SNPH: variants seen among roughly 807,000 people sequenced by gnomAD.
SNPH encodes the protein syntaphilin.
In SNPH, 10 loss-of-function variants were observed where a neutral mutation model predicts 36.8. The observed-to-expected ratio is 0.27, with a 90% CI of 0.17 to 0.46. The LOEUF (loss-of-function observed/expected upper bound fraction) is 0.46, where lower values mean the gene tolerates loss of function less well. Among genes scored for constraint, SNPH ranks in the 20% least tolerant of loss-of-function variants. The pLI is 1.00. For synonymous variants in SNPH, 281 were observed against 312.2 expected (o/e 0.90, Z 1.05); for missense variants, 622 against 744.0 (o/e 0.84, Z 1.91).
intron 2 of SNPH, among the ~76,000 whole-genome samples, chr20:1,292,596 C>T (rs2088376347): frequency 6.6e-6 from 1 of 152,196 alleles, no homozygotes; most frequent in African/African-American, 2.4e-5. Context: ...TTATCAGGAA[C>T]TTTCTAAAAT....
rs74793599 is a variant in SNPH, at chr20:1,302,560, C to T, written c.440+1849C>T. 9.1e-3 allele frequency among the ~76,000 whole-genome samples: 1,253 copies of T among 138,004 alleles called. 17 individuals carry two copies. Among genetic ancestry groups the T allele is most frequent in the African/African-American group, 0.033 (1,194 of 35,818 alleles). The allele number at this position is 138,004 out of a possible 152,430, so 90.5% of individuals were successfully genotyped here. On this transcript the variant is annotated intron_variant, in intron 6 of 6. Coordinates refer to ENST00000381867, the MANE Select transcript of SNPH (RefSeq NM_001318234.2). ...AAACCCCATTCCCATTAGCAATCAC[C>T]GCCAATTTCTAATTTCATCAATATT... is the stretch of plus-strand genomic sequence containing the variant.
intron 2 of SNPH, among the ~76,000 whole-genome samples, chr20:1,289,751 C>T (rs1600255625): frequency 6.6e-6 from 1 of 151,704 alleles, no homozygotes; most frequent in Non-Finnish European, 1.5e-5. Flanking sequence ...ATCGCATGAG[C>T]TCAGGAGTTT....
Position 1,305,269 on chromosome 20 carries a change from A to G in SNPH, c.832A>G (p.Ser278Gly). The G allele has an allele frequency of 6.2e-7, 1 of 1,610,954 alleles. No individual in the cohort carries two copies. The highest frequency in any genetic ancestry group is 8.5e-7 in the Non-Finnish European group (1 of 1,179,816). The stretch of plus-strand genomic sequence containing the variant: ...TGACCGCCAGCCGGGTGATCCCTCC[A>G]GCGGCTCTGCTGAGGATGGGGCAGA... ...CGDRQPGDPS[S>G]GSAEDGADSG... The change falls in exon 7 of 7, where the codon AGC becomes GGC. Residue 278 changes from serine to glycine, a missense_variant. Coordinates refer to ENST00000381867, the MANE Select transcript of SNPH (RefSeq NM_001318234.2).
rs753420830 is a variant in SNPH at position 1,276,408 on chromosome 20, C to T, written c.-493+9648C>T. 5.9e-5 allele frequency among the ~76,000 whole-genome samples: 9 copies of T among 152,178 alleles called. No individual in the cohort carries two copies. The highest frequency in any genetic ancestry group is 1.2e-4 in the Non-Finnish European group (8 of 68,038). ...TCTCTGAGTGGTTGGGAACAGAGAGCGCAGGTTGGAGTTGGATACACTTGG... is the reference window on the plus strand; with the variant it reads ...TCTCTGAGTGGTTGGGAACAGAGAGTGCAGGTTGGAGTTGGATACACTTGG... On this transcript the variant is annotated intron_variant, in intron 2 of 6. Coordinates refer to ENST00000381867, the MANE Select transcript of SNPH (RefSeq NM_001318234.2). The surrounding 1 kb of genome is among the most constrained non-coding windows in gnomAD (Gnocchi z 4.6).
At chr20:1,298,804 TTGTGTGTGTGTGTGTGTGTG>T (rs3038999) in intron 5 of SNPH, among the ~76,000 whole-genome samples, 1 of 141,154 alleles carries the variant, frequency 7.1e-6, no homozygotes, top group Non-Finnish European at 1.5e-5. Flanking sequence ...TTTTTCTAAT[TTGTGTGTGTGTGTGTGTGTG>T]TGTGTGTGTG....
intron 2 of SNPH, among the ~76,000 whole-genome samples, chr20:1,272,591 A>T (rs970944917): frequency 1.3e-5 from 2 of 152,244 alleles, no homozygotes; most frequent in Non-Finnish European, 2.9e-5. Context: ...TTAAATGCAC[A>T]TATTAAAATG....
In SNPH at chr20:1,296,338, GCCCAT is replaced by G; in HGVS notation, c.104_108del (p.Ile35ThrfsTer17). 6.3e-7 allele frequency: 1 copy of G among 1,577,468 alleles called. No individual in the cohort carries two copies. Among genetic ancestry groups the G allele is most frequent in the Non-Finnish European group, 8.6e-7 (1 of 1,158,984 alleles). On this transcript the variant is annotated frameshift_variant, in exon 4 of 7. Transcript: ENST00000381867. LOFTEE classifies it high-confidence loss of function. The stretch of plus-strand genomic sequence containing the variant: ...CTCTCTCCTCAGCCCCCGGGATACC[GCCCAT>G]CCCACCCCTTACTCGGACCCACAGC...
intron 2 of SNPH, among the ~76,000 whole-genome samples, chr20:1,282,601 G>A (rs2088238465): frequency 6.6e-6 from 1 of 152,104 alleles, no homozygotes; most frequent in Admixed American, 6.5e-5. Context: ...CTTTTAAATG[G>A]GTATGTACTA....
rs1313213760 is a variant in SNPH at position 1,305,366 on chromosome 20, C to T, written c.929C>T (p.Ser310Leu). The T allele has an allele frequency of 1.2e-6, 2 of 1,612,444 alleles. No individual in the cohort carries two copies. Among genetic ancestry groups the T allele is most frequent in the Non-Finnish European group, 1.7e-6 (2 of 1,179,894 alleles). The change falls in exon 7 of 7, where the codon TCG becomes TTG. Residue 310 changes from serine (S) to leucine (L), a missense_variant. Physicochemically the swap from Ser to Leu is moderately radical, Grantham distance 145. This residue lies in a region of SNPH where 379 missense variants were observed against 427.9 expected (regional missense o/e 0.89). Coordinates refer to ENST00000381867, the MANE Select transcript of SNPH (RefSeq NM_001318234.2). ...CTGGAAGCCAGCAGCCTGCTGTCGT[C>T]GGGGGTGGACTGTGGCACCGAGGAG... ...DALEASSLLSSGVDCGTEETS... is the reference protein window; with the variant it reads ...DALEASSLLSLGVDCGTEETS...
At chr20:1,288,167 G>T (rs771624810) in intron 2 of SNPH, among the ~76,000 whole-genome samples, 1 of 152,232 alleles carries the variant, frequency 6.6e-6, no homozygotes, top group Non-Finnish European at 1.5e-5. Flanking sequence ...GCTGATGTCC[G>T]CTGAGGTGAT....
In SNPH at chr20:1,271,771, C is replaced by T. The variant is rs557560965; in HGVS notation, c.-493+5011C>T. Among the ~76,000 whole-genome samples, 56 of 152,338 alleles carry T rather than the reference C, an allele frequency of 3.7e-4. No homozygotes were observed. The South Asian group carries it at 8.9e-3, about 24-fold the overall frequency. Reference sequence around the variant, plus strand: ...TGGGAAAGACTCAGTTCAAAAGCCACCTCTTCAAAAATAGAATGATGCAGA... The same window carrying T: ...TGGGAAAGACTCAGTTCAAAAGCCATCTCTTCAAAAATAGAATGATGCAGA... On this transcript the variant is annotated intron_variant, in intron 2 of 6. Transcript: ENST00000381867.
At chr20:1,303,663 TC>T (rs1306862141) in intron 6 of SNPH, among the ~76,000 whole-genome samples, 2 of 152,162 alleles carry the variant, frequency 1.3e-5, no homozygotes, top group Non-Finnish European at 2.9e-5. Context: ...CTGCATCCCC[TC>T]AGCCCCCAGT....
chr20:1,295,840 T>G lies in SNPH; in HGVS notation c.-400T>G. 1.6e-5 allele frequency: 3 copies of G among 181,990 alleles called. No individual in the cohort carries two copies. The highest frequency in any genetic ancestry group is 3.4e-5 in the Non-Finnish European group (3 of 88,404). 11.3% of individuals were successfully genotyped at this position (181,990 alleles called of 1,614,324 possible). A position where few individuals can be genotyped will look rare whatever the true frequency, so the allele number is the denominator to read the frequency against. ...GGTCGGCGAGACCAGCCCATCCTAA[T>G]TTGGGGTTCCTGGTCCTGCTCCAGG... is the stretch of plus-strand genomic sequence containing the variant. On this transcript the variant is annotated 5_prime_UTR_variant, in exon 4 of 7. Coordinates refer to ENST00000381867, the MANE Select transcript of SNPH (RefSeq NM_001318234.2).
rs75334429 is a variant in SNPH, at chr20:1,296,702, G to A, written c.182+281G>A. The stretch of plus-strand genomic sequence containing the variant: ...TTTTCACAACGACTGGAGGGGAATC[G>A]TGCAGTCATCCACTCAGACTCACTT... On this transcript the variant is annotated intron_variant, in intron 4 of 6. Transcript: ENST00000381867. 2.0e-3 allele frequency among the ~76,000 whole-genome samples: 304 copies of A among 152,274 alleles called. 11 individuals carry two copies. In the East Asian group the frequency reaches 0.052, roughly 26 times the overall value.
In SNPH at chr20:1,296,252, G is replaced by A. The variant is rs766012262; in HGVS notation, c.13G>A (p.Gly5Ser). The A allele has an allele frequency of 3.7e-5, 56 of 1,529,674 alleles. No homozygotes were observed. Among genetic ancestry groups the A allele is most frequent in the Non-Finnish European group, 4.1e-5 (47 of 1,139,628 alleles). The allele number at this position is 1,529,674 out of a possible 1,614,324, so 94.8% of individuals were successfully genotyped here. A position where few individuals can be genotyped will look rare whatever the true frequency, so the allele number is the denominator to read the frequency against. Residue 5 changes from glycine (G) to serine (S), a missense_variant, in exon 4 of 7, where the codon GGC becomes AGC. By Grantham distance (56) the Gly-to-Ser change is moderately conservative (BLOSUM62 0). Coordinates refer to ENST00000381867, the MANE Select transcript of SNPH (RefSeq NM_001318234.2). MPGS[G>S]PSERMTWPGP... ...GAGAAGAGAAGCCATGCCGGGCAGC[G>A]GCCCCAGCGAGAGGATGACGTGGCC...
Position 1,285,022 on chromosome 20 carries a change from AG to A in SNPH, c.-492-9927del, listed in dbSNP as rs2088268791. 6.6e-6 allele frequency among the ~76,000 whole-genome samples: 1 copy of A among 152,150 alleles called. No individual in the cohort carries two copies. The highest frequency in any genetic ancestry group is 2.4e-5 in the African/African-American group (1 of 41,424). On this transcript the variant is annotated intron_variant, in intron 2 of 6. Coordinates refer to ENST00000381867, the MANE Select transcript of SNPH (RefSeq NM_001318234.2). This position sits in a 1 kb window ranked among gnomAD's most constrained non-coding sequence, Gnocchi z 4.9. The stretch of plus-strand genomic sequence containing the variant: ...GGGATGGAGCAGTGAAGATGCCGAA[AG>A]GTGTCAGATTCTGTGACTGTGTCGC...
intron 5 of SNPH, among the ~76,000 whole-genome samples, chr20:1,299,656 C>T (rs1254786160): frequency 6.6e-6 from 1 of 152,246 alleles, no homozygotes; most frequent in African/African-American, 2.4e-5. Context: ...CCCCAGAGTA[C>T]TGCAGTGGAC....
At position 1,266,542 on chromosome 20, in the gene SNPH, C is replaced by T; in HGVS notation, c.-599-112C>T. 7.4e-7 allele frequency: 1 copy of T among 1,360,350 alleles called. No homozygotes were observed. Among genetic ancestry groups the T allele is most frequent in the Non-Finnish European group, 9.5e-7 (1 of 1,055,220 alleles). The allele number at this position is 1,360,350 out of a possible 1,614,324, so 84.3% of individuals were successfully genotyped here. On this transcript the variant is annotated intron_variant, in intron 1 of 6. Coordinates refer to ENST00000381867, the MANE Select transcript of SNPH (RefSeq NM_001318234.2). The surrounding 1 kb of genome is among the most constrained non-coding windows in gnomAD (Gnocchi z 6.0). ...AGCACCCGGCAGGCAGCCTGCCCTC[C>T]AAGCCTTCTGGCTGCAGCGGCCCAG...
intron 2 of SNPH, among the ~76,000 whole-genome samples, chr20:1,290,561 G>A (rs1015885936): frequency 2.6e-5 from 4 of 152,188 alleles, no homozygotes; most frequent in Admixed American, 1.3e-4. Flanking sequence ...TTGCATAGAC[G>A]CATCACATTT....
Sources: gnomAD v4.1 joint callset for allele counts (sites outside exome capture counted in the v4.1 genomes callset) on GRCh38, gnomAD v4.1.1 for gene constraint, gnomAD v4.1.1 regional missense constraint, Gnocchi (gnomAD v3.1) non-coding constraint, MANE v1.5 for transcripts, NCBI Gene and HGNC (gene_info 2026-07-23, HGNC 2026-07-21) for gene names.